Variants in PPIL2 observed in about 807,000 individuals in gnomAD.
PPIL2 encodes the protein peptidylprolyl isomerase like 2.
A neutral mutation model predicts 75.2 loss-of-function variants in PPIL2; 50 were observed. The ratio of observed to expected loss-of-function variants is 0.66; its 90% CI spans 0.53 to 0.84. The LOEUF is 0.84. Ranked by LOEUF, PPIL2 falls within the 40% of genes least tolerant of loss-of-function variation. The pLI, the probability that PPIL2 is intolerant of heterozygous loss-of-function variation, is 0.00. For missense variants in PPIL2, 590 were observed against 685.0 expected, an observed-to-expected ratio of 0.86 and a Z score of 1.55; for synonymous variants, 245 against 258.8, an observed-to-expected ratio of 0.95 and a Z score of 0.51.
chr22:21,674,343 A>G (rs1569022060), intron 5 of PPIL2, among the ~76,000 whole-genome samples: 1 of 152,234 alleles, frequency 6.6e-6, no homozygotes, highest in Non-Finnish European at 1.5e-5. Context: ...AACTGAAAAC[A>G]TTACCTGCCA....
chr22:21,680,022 G>A (rs983022191), intron 6 of PPIL2, among the ~76,000 whole-genome samples: 5 of 151,562 alleles, frequency 3.3e-5, no homozygotes, highest in African/African-American at 9.7e-5. Context: ...CCCGGGAGGC[G>A]GAGCTTGCAG....
chr22:21,690,172 C>G (rs2067558814), intron 15 of PPIL2, among the ~76,000 whole-genome samples: 1 of 151,974 alleles, frequency 6.6e-6, no homozygotes, highest in Non-Finnish European at 1.5e-5. Context: ...TGCCTGAGCC[C>G]AGGAATTCGA....
At chr22:21,683,404 T>C (rs1258293708) in intron 9 of PPIL2, 147 bp downstream of exon 9, 2 of 693,564 alleles carry the variant, frequency 2.9e-6, no homozygotes, top group Non-Finnish European at 4.9e-6. Context: ...GTTCAGAGAA[T>C]CTGAGCCAAC....
Position 21,688,668 on chromosome 22 carries a change from G to C in PPIL2, c.1022-64G>C. The C allele has an allele frequency of 5.3e-6, 8 of 1,511,054 alleles. No homozygotes were observed. The South Asian group carries it at 9.0e-5, about 17-fold the overall frequency. 93.6% of individuals were successfully genotyped at this position (1,511,054 alleles called of 1,614,324 possible). A position where few individuals can be genotyped will look rare whatever the true frequency, so the allele number is the denominator to read the frequency against. ...GCCCTGATGCCCCTCGGGACTCTGA[G>C]GTTTCTAGTTCTGCCTCGGCTGGGG... On this transcript the variant is annotated intron_variant, in intron 14 of 19. Coordinates refer to ENST00000398831, the MANE Select transcript of PPIL2 (RefSeq NM_014337.4).
intron 2 of PPIL2, 65 bp from the exon 3 acceptor site, chr22:21,670,501 C>T (rs1466528059): frequency 6.6e-7 from 1 of 1,510,564 alleles, no homozygotes; most frequent in East Asian, 2.3e-5. Flanking sequence ...GAATTGCTAG[C>T]AGGTGCACAT....
intron 6 of PPIL2, among the ~76,000 whole-genome samples, chr22:21,679,487 A>T (rs1191109840): frequency 6.6e-6 from 1 of 152,020 alleles, no homozygotes; most frequent in African/African-American, 2.4e-5. Flanking sequence ...CTGTAGTCCC[A>T]GCTACTTGGG....
chr22:21,692,371 G>A (rs200259983), intron 15 of PPIL2, among the ~76,000 whole-genome samples: 1,577 of 151,162 alleles, frequency 0.01, 18 homozygotes, highest in Non-Finnish European at 0.015. Context: ...AGCGAGGATG[G>A]TCTCGATCTC....
rs370593342 is a variant in PPIL2, at chr22:21,693,819, C to T, written c.1143C>T (p.Phe381=). 8 of 1,538,422 alleles carry T rather than the reference C, an allele frequency of 5.2e-6. No individual in the cohort carries two copies. The African/African-American group carries it at 9.6e-5, about 18-fold the overall frequency. The change falls in exon 16 of 20, where the codon TTC becomes TTT. Residue 381 remains phenylalanine (F), a synonymous_variant. Coordinates refer to ENST00000398831, the MANE Select transcript of PPIL2 (RefSeq NM_014337.4). ...ACCATCCAGCCCTCCTCCCCAGCTT[C>T]ATCACGTTTCGCTCCTGTGCCTACC... ...SGPNSNRSQF[F]ITFRSCAYLD... is the part of the protein sequence containing the mutation.
intron 15 of PPIL2, 136 bp downstream of exon 15, chr22:21,688,985 C>A: frequency 1.2e-6 from 1 of 821,382 alleles, no homozygotes; most frequent in Non-Finnish European, 1.9e-6. Context: ...CTAGGCCAAG[C>A]ATGTGCACCT....
intron 12 of PPIL2, 41 bp from the exon 13 acceptor site, chr22:21,687,602 G>T: frequency 8.0e-7 from 1 of 1,257,204 alleles, no homozygotes; most frequent in Non-Finnish European, 1.1e-6. Context: ...GCTGCCTTTG[G>T]CAGCTCTCTG....
chr22:21,696,967 C>T lies in PPIL2; in HGVS notation c.*1477C>T. 2 of 1,564,888 alleles carry T rather than the reference C, an allele frequency of 1.3e-6. No individual in the cohort carries two copies. Among genetic ancestry groups the T allele is most frequent in the South Asian group, 1.2e-5 (1 of 84,706 alleles). On this transcript the variant is annotated 3_prime_UTR_variant, in exon 20 of 20. Transcript: ENST00000398831. ...CTGTGGCCCTTCATCATGCTAAGAA[C>T]AAGAACTGCGCCATGGCTGGCTCCT...
intron 15 of PPIL2, among the ~76,000 whole-genome samples, chr22:21,691,154 G>A (rs1183806520): frequency 6.6e-6 from 1 of 151,466 alleles, no homozygotes; most frequent in Non-Finnish European, 1.5e-5. Context: ...ATGTTGGCCA[G>A]GCTGGTCTCC....
chr22:21,677,468 G>A (rs2066921959), intron 6 of PPIL2, among the ~76,000 whole-genome samples: 2 of 152,364 alleles, frequency 1.3e-5, no homozygotes, highest in South Asian at 4.1e-4. Context: ...GCCGAGGCTG[G>A]CAGGTCACTC....
intron 3 of PPIL2, 43 bp downstream of exon 3, chr22:21,670,654 T>C (rs2066597249): frequency 6.4e-7 from 1 of 1,551,406 alleles, no homozygotes; most frequent in South Asian, 1.1e-5. Context: ...AATTGTTCTC[T>C]GATCCTGTCT....
In PPIL2 at chr22:21,687,220, G is replaced by A. The variant is rs535263703; in HGVS notation, c.897+222G>A. ...AGTGTCTCAGAGAAGGGGCCAAGCC[G>A]CACCTGCTGCTCTGCCCACACTTCT... On this transcript the variant is annotated intron_variant, in intron 12 of 19. Coordinates refer to ENST00000398831, the MANE Select transcript of PPIL2 (RefSeq NM_014337.4). Among the ~76,000 whole-genome samples the A allele has an allele frequency of 6.6e-5, 10 of 152,112 alleles. No homozygotes were observed. In the East Asian group the frequency reaches 1.2e-3, roughly 18 times the overall value.
Position 21,689,127 on chromosome 22 carries a change from T to C in PPIL2, c.1139+278T>C, listed in dbSNP as rs530753436. Among the ~76,000 whole-genome samples, 456 of 152,192 alleles carry C rather than the reference T, an allele frequency of 3.0e-3. 2 individuals carry two copies. The highest frequency in any genetic ancestry group is 0.01 in the African/African-American group (430 of 41,530). On this transcript the variant is annotated intron_variant, in intron 15 of 19. Coordinates refer to ENST00000398831, the MANE Select transcript of PPIL2 (RefSeq NM_014337.4). ...TCTTGACAGGGACCAGGCATTCGTG[T>C]GGGTGCCTGTGGCCAGGCAGTGCTG...
chr22:21,672,496 C>T (rs915631747), intron 5 of PPIL2, 115 bp downstream of exon 5: 2 of 1,061,554 alleles, frequency 1.9e-6, no homozygotes, highest in Non-Finnish European at 2.9e-6. Flanking sequence ...GTTCATGGGG[C>T]CCAGTGAGGA....
chr22:21,681,334 A>T lies in PPIL2; in HGVS notation c.331A>T (p.Thr111Ser), dbSNP rs1569029730. 6.2e-7 allele frequency: 1 copy of T among 1,613,974 alleles called. No individual in the cohort carries two copies. The highest frequency in any genetic ancestry group is 8.5e-7 in the Non-Finnish European group (1 of 1,179,980). Residue 111 changes from threonine (T) to serine (S), a missense_variant, in exon 7 of 20, where the codon ACC (threonine) becomes TCC (serine). Coordinates refer to ENST00000398831, the MANE Select transcript of PPIL2 (RefSeq NM_014337.4). ...YHCPVLFTVFTNNTHIVAVRT... is the reference protein window; with the variant it reads ...YHCPVLFTVFSNNTHIVAVRT... ...CTGCCCAGTGCTGTTTACCGTGTTC[A>T]CCAACAACACCCACATCGTGGCTGT...
intron 10 of PPIL2, 145 bp downstream of exon 10, chr22:21,685,058 C>A: frequency 8.6e-7 from 1 of 1,164,268 alleles, no homozygotes. Context: ...AGCTGTGGTG[C>A]CCCTGATGGC....
Sources: allele counts gnomAD v4.1 joint callset (sites outside exome capture counted in the v4.1 genomes callset), GRCh38; gene constraint gnomAD v4.1.1; transcripts MANE v1.5; gene names NCBI Gene and HGNC (gene_info 2026-07-23, HGNC 2026-07-21).